KCNA2: variants seen among roughly 807,000 people sequenced by gnomAD.
KCNA2 encodes potassium channel, voltage gated shaker related subfamily A, member 2.
A neutral mutation model predicts 33.4 loss-of-function variants in KCNA2; 11 were observed. The ratio of observed to expected loss-of-function variants is 0.33; its 90% CI spans 0.21 to 0.55. The LOEUF is 0.55. KCNA2 is among the 20% of genes least tolerant of loss of function. KCNA2 has a pLI of 0.93. For missense variants in KCNA2, 291 were observed against 621.6 expected (o/e 0.47, Z 5.66); for synonymous variants, 222 against 231.3 (o/e 0.96, Z 0.37).
chr1:110,611,624 G>C (rs746429990), intron 1 of KCNA2, among the ~76,000 whole-genome samples: 3 of 151,918 alleles, frequency 2.0e-5, no homozygotes, highest in Non-Finnish European at 4.4e-5. Flanking sequence ...TACTCGGGAG[G>C]CTAAGTTGAG....
At position 110,598,000 on chromosome 1, in the gene KCNA2, G is replaced by C. The variant is rs997549465; in HGVS notation, c.*5283C>G. On this transcript the variant is annotated 3_prime_UTR_variant, in exon 3 of 3. Transcript: ENST00000316361. Reference sequence around the variant, plus strand: ...GGGGAACAGGGTTGGACTCAACAAGGGCTAAGTCTGAAGATATAGATGATG... The same window carrying C: ...GGGGAACAGGGTTGGACTCAACAAGCGCTAAGTCTGAAGATATAGATGATG... 11 of 985,216 alleles carry C rather than the reference G, an allele frequency of 1.1e-5. No individual in the cohort carries two copies. The highest frequency in any genetic ancestry group is 1.2e-5 in the Non-Finnish European group (10 of 829,916). 61.0% of individuals were successfully genotyped at this position (985,216 alleles called of 1,614,324 possible).
At position 110,602,101 on chromosome 1, in the gene KCNA2, T is replaced by C; in HGVS notation, c.*1182A>G. 1.3e-6 allele frequency: 2 copies of C among 1,550,568 alleles called. No individual in the cohort carries two copies. Among genetic ancestry groups the C allele is most frequent in the Non-Finnish European group, 1.7e-6 (2 of 1,146,988 alleles). The stretch of plus-strand genomic sequence containing the variant: ...CCCGCGACTAGGTTAATTCCTAAGG[T>C]GCAGTCATGTGAGGTGTTCAGATGC... On this transcript the variant is annotated 3_prime_UTR_variant, in exon 3 of 3. Transcript: ENST00000316361.
chr1:110,598,652 C>T lies in KCNA2; in HGVS notation c.*4631G>A, dbSNP rs372801935. On this transcript the variant is annotated 3_prime_UTR_variant, in exon 3 of 3. Transcript: ENST00000316361. ...GGGAGCCCTTTCCATACTAGGCTAA[C>T]GCAATCTAGAGGCACACTCCCGTGG... The T allele has an allele frequency of 5.6e-5, 55 of 985,328 alleles. No homozygotes were observed. Among genetic ancestry groups the T allele is most frequent in the South Asian group, 1.4e-4 (3 of 21,272 alleles). The allele number at this position is 985,328 out of a possible 1,614,324, so 61.0% of individuals were successfully genotyped here.
At chr1:110,617,459 A>G (rs1650103341) in intron 1 of KCNA2, among the ~76,000 whole-genome samples, 1 of 152,168 alleles carries the variant, frequency 6.6e-6, no homozygotes, top group Admixed American at 6.5e-5. Context: ...AGCCATTGAG[A>G]GTTCTGAGTG....
In KCNA2 at chr1:110,594,821, T is replaced by G; in HGVS notation, c.*8462A>C. 3 of 984,970 alleles carry G rather than the reference T, an allele frequency of 3.0e-6. No homozygotes were observed. The highest frequency in any genetic ancestry group is 3.6e-6 in the Non-Finnish European group (3 of 829,982). The allele number at this position is 984,970 out of a possible 1,614,324, so 61.0% of individuals were successfully genotyped here. The stretch of plus-strand genomic sequence containing the variant: ...TCTATCCCATTTCTTAGCCTGGAGC[T>G]GATGTGCTCCTTTCCAGCCCCACCT... On this transcript the variant is annotated 3_prime_UTR_variant, in exon 3 of 3. Coordinates refer to ENST00000316361, the MANE Select transcript of KCNA2 (RefSeq NM_004974.4).
In KCNA2 at chr1:110,601,236, T is replaced by C. The variant is rs1649329852; in HGVS notation, c.*2047A>G. 2 of 985,280 alleles carry C rather than the reference T, an allele frequency of 2.0e-6. No homozygotes were observed. Among genetic ancestry groups the C allele is most frequent in the African/African-American group, 1.7e-5 (1 of 57,228 alleles). 61.0% of individuals were successfully genotyped at this position (985,280 alleles called of 1,614,324 possible). On this transcript the variant is annotated 3_prime_UTR_variant, in exon 3 of 3. Transcript: ENST00000316361. Reference sequence around the variant, plus strand: ...ATCAAAATGATGCCTTTGGATCATCTAGGGACTCCATCACTTAGTCCCGGA... The same window carrying C: ...ATCAAAATGATGCCTTTGGATCATCCAGGGACTCCATCACTTAGTCCCGGA...
At chr1:110,613,842 C>T (rs1557737282) in intron 1 of KCNA2, among the ~76,000 whole-genome samples, 1 of 152,162 alleles carries the variant, frequency 6.6e-6, no homozygotes, top group Non-Finnish European at 1.5e-5. Context: ...TGCTCCTATC[C>T]ATCCTGCTGT....
In KCNA2 at chr1:110,595,383, A is replaced by G; in HGVS notation, c.*7900T>C. 1.0e-6 allele frequency: 1 copy of G among 985,442 alleles called. No homozygotes were observed. Among genetic ancestry groups the G allele is most frequent in the Non-Finnish European group, 1.2e-6 (1 of 829,938 alleles). 61.0% of individuals were successfully genotyped at this position (985,442 alleles called of 1,614,324 possible). On this transcript the variant is annotated 3_prime_UTR_variant, in exon 3 of 3. Coordinates refer to ENST00000316361, the MANE Select transcript of KCNA2 (RefSeq NM_004974.4). Reference sequence around the variant, plus strand: ...GCCACCTCAACTGCCTCAGTGCACCAGCTGGTCATGTCAAGTCTGGGTTAT... The same window carrying G: ...GCCACCTCAACTGCCTCAGTGCACCGGCTGGTCATGTCAAGTCTGGGTTAT...
At chr1:110,611,848 C>T (rs1405788777) in intron 1 of KCNA2, among the ~76,000 whole-genome samples, 2 of 151,896 alleles carry the variant, frequency 1.3e-5, no homozygotes, top group Non-Finnish European at 2.9e-5. Context: ...CACGGTGAAA[C>T]TCCATCTCTA....
chr1:110,600,358 T>A lies in KCNA2; in HGVS notation c.*2925A>T. On this transcript the variant is annotated 3_prime_UTR_variant, in exon 3 of 3. Transcript: ENST00000316361. ...GTATCTTATATGCATATGCATTTTG[T>A]CCATGTAGTTTTTTATGTATTTTGC... 1 of 984,810 alleles carries A rather than the reference T, an allele frequency of 1.0e-6. No individual in the cohort carries two copies. 61.0% of individuals were successfully genotyped at this position (984,810 alleles called of 1,614,324 possible). A position where few individuals can be genotyped will look rare whatever the true frequency, so the allele number is the denominator to read the frequency against.
chr1:110,601,050 C>T lies in KCNA2; in HGVS notation c.*2233G>A, dbSNP rs1484903673. 1.4e-5 allele frequency: 14 copies of T among 985,346 alleles called. No homozygotes were observed. The highest frequency in any genetic ancestry group is 1.7e-5 in the Non-Finnish European group (14 of 829,954). The allele number at this position is 985,346 out of a possible 1,614,324, so 61.0% of individuals were successfully genotyped here. ...TGAGTTAAAAGCCCCCTACCTGAAGCCATTTCAGGGTCAACCTACTGTCTA... is the reference window on the plus strand; with the variant it reads ...TGAGTTAAAAGCCCCCTACCTGAAGTCATTTCAGGGTCAACCTACTGTCTA... On this transcript the variant is annotated 3_prime_UTR_variant, in exon 3 of 3. Coordinates refer to ENST00000316361, the MANE Select transcript of KCNA2 (RefSeq NM_004974.4).
chr1:110,613,051 GTATT>G (rs1649931229), intron 1 of KCNA2, among the ~76,000 whole-genome samples: 2 of 152,200 alleles, frequency 1.3e-5, no homozygotes, highest in South Asian at 4.1e-4. Context: ...TGGGCACAAG[GTATT>G]TATCTCAGTG....
Position 110,598,269 on chromosome 1 carries a change from C to A in KCNA2, c.*5014G>T. On this transcript the variant is annotated 3_prime_UTR_variant, in exon 3 of 3. Coordinates refer to ENST00000316361, the MANE Select transcript of KCNA2 (RefSeq NM_004974.4). ...TGGGCCCCAGGAAAGCTCTGGGGAG[C>A]AGAGCTCAGCACCATCATCCCCTCT... The A allele has an allele frequency of 1.5e-6, 1 of 682,368 alleles. No homozygotes were observed. The highest frequency in any genetic ancestry group is 1.8e-6 in the Non-Finnish European group (1 of 553,272). 42.3% of individuals were successfully genotyped at this position (682,368 alleles called of 1,614,324 possible).
intron 1 of KCNA2, among the ~76,000 whole-genome samples, chr1:110,619,679 C>T (rs1383385908): frequency 6.6e-6 from 1 of 152,248 alleles, no homozygotes; most frequent in Non-Finnish European, 1.5e-5. Flanking sequence ...CCCTGCGCAT[C>T]CCGTATCCCG....
rs1338425720 is a variant in KCNA2, at chr1:110,604,516, C to T, written c.267G>A (p.Leu89=). The change falls in exon 3 of 3, where the codon TTG becomes TTA. Residue 89 remains leucine, a synonymous_variant. Coordinates refer to ENST00000316361, the MANE Select transcript of KCNA2 (RefSeq NM_004974.4). The surrounding 1 kb of genome is among the most constrained non-coding windows in gnomAD (Gnocchi z 7.6). The part of the protein sequence containing the change: ...DRNRPSFDAI[L]YYYQSGGRLR... ...ATCGGCCCCCTGACTGGTAGTAGTA[C>T]AAAATGGCATCAAAGCTAGGGCGGT... The T allele has an allele frequency of 3.1e-6, 5 of 1,614,092 alleles. No homozygotes were observed. The highest frequency in any genetic ancestry group is 1.3e-5 in the African/African-American group (1 of 74,930).
intron 1 of KCNA2, among the ~76,000 whole-genome samples, chr1:110,619,205 A>T (rs1650167659): frequency 2.0e-5 from 3 of 152,144 alleles, no homozygotes; most frequent in African/African-American, 7.2e-5. Flanking sequence ...CTGTACCCCC[A>T]AACATGCTCA....
chr1:110,600,225 G>A lies in KCNA2; in HGVS notation c.*3058C>T. 1 of 981,674 alleles carries A rather than the reference G, an allele frequency of 1.0e-6. No individual in the cohort carries two copies. The highest frequency in any genetic ancestry group is 1.8e-5 in the African/African-American group (1 of 55,814). The allele number at this position is 981,674 out of a possible 1,614,324, so 60.8% of individuals were successfully genotyped here. Reference sequence around the variant, plus strand: ...CATGTGTATTGTGCGATATTTTTGGGCATGTGTGCTATGTATCTTGTATGC... The same window carrying A: ...CATGTGTATTGTGCGATATTTTTGGACATGTGTGCTATGTATCTTGTATGC... On this transcript the variant is annotated 3_prime_UTR_variant, in exon 3 of 3. Transcript: ENST00000316361.
Position 110,596,329 on chromosome 1 carries a change from C to T in KCNA2, c.*6954G>A. On this transcript the variant is annotated 3_prime_UTR_variant, in exon 3 of 3. Coordinates refer to ENST00000316361, the MANE Select transcript of KCNA2 (RefSeq NM_004974.4). ...AATTTAAAAATAGTATACATATATA[C>T]ATATACTATATATATATATATACAC... is the stretch of plus-strand genomic sequence containing the variant. 3.6e-5 allele frequency: 15 copies of T among 413,784 alleles called. No homozygotes were observed. Among genetic ancestry groups the T allele is most frequent in the Non-Finnish European group, 4.5e-5 (14 of 311,114 alleles). The allele number at this position is 413,784 out of a possible 1,614,324, so 25.6% of individuals were successfully genotyped here. A position where few individuals can be genotyped will look rare whatever the true frequency, so the allele number is the denominator to read the frequency against.
Position 110,603,503 on chromosome 1 carries a change from G to A in KCNA2, c.1280C>T (p.Ala427Val). The change falls in exon 3 of 3, where the codon GCC becomes GTC. Residue 427 changes from alanine to valine, a missense_variant. By Grantham distance (64) the Ala-to-Val change is moderately conservative. Around this residue, in one of 5 missense-constraint regions of KCNA2, gnomAD observed 65 missense variants for 95.1 expected, o/e 0.68. Coordinates refer to ENST00000316361, the MANE Select transcript of KCNA2 (RefSeq NM_004974.4). The surrounding 1 kb of genome is among the most constrained non-coding windows in gnomAD (Gnocchi z 5.7). ...YHRETEGEEQAQYLQVTSCPK... is the reference protein window; with the variant it reads ...YHRETEGEEQVQYLQVTSCPK... ...ACAGCTTGTCACTTGCAAGTATTGGGCCTGTTCCTCTCCCTCTGTCTCCCG... is the reference window on the plus strand; with the variant it reads ...ACAGCTTGTCACTTGCAAGTATTGGACCTGTTCCTCTCCCTCTGTCTCCCG... The A allele has an allele frequency of 6.2e-7, 1 of 1,614,006 alleles. No individual in the cohort carries two copies. The highest frequency in any genetic ancestry group is 8.5e-7 in the Non-Finnish European group (1 of 1,179,990).
Sources: allele counts gnomAD v4.1 joint callset (sites outside exome capture counted in the v4.1 genomes callset), GRCh38; gene constraint gnomAD v4.1.1; regional missense constraint gnomAD v4.1.1; non-coding constraint Gnocchi (gnomAD v3.1); transcripts MANE v1.5; gene names NCBI Gene and HGNC (gene_info 2026-07-23, HGNC 2026-07-21).